COP1: variants seen among roughly 807,000 people sequenced by gnomAD.
COP1 encodes the protein COP1 E3 ubiquitin ligase.
In COP1, 24 loss-of-function variants were observed where a neutral mutation model predicts 101.3. The observed-to-expected ratio is 0.24, with a 90% CI of 0.17 to 0.33. The LOEUF (loss-of-function observed/expected upper bound fraction) is 0.33, where lower values mean the gene tolerates loss of function less well. COP1 is among the 10% of genes least tolerant of loss of function. The pLI, the probability that COP1 is intolerant of heterozygous loss-of-function variation, is 1.00. For missense variants in COP1, 663 were observed against 906.2 expected (o/e 0.73, Z 3.45); for synonymous variants, 347 against 341.9 (o/e 1.01, Z -0.17).
chr1:175,973,558 G>T (rs2148626355), intron 18 of COP1, among the ~76,000 whole-genome samples: 1 of 152,312 alleles, frequency 6.6e-6, no homozygotes, highest in Non-Finnish European at 1.5e-5. Flanking sequence ...AATTAGGGCT[G>T]TTCTTATGAG....
intron 14 of COP1, among the ~76,000 whole-genome samples, chr1:176,042,730 C>CAA (rs35637870): frequency 3.4e-3 from 171 of 49,636 alleles, no homozygotes; most frequent in African/African-American, 0.012. Context: ...AACTCTATCT[C>CAA]AAAAAAAAAA....
At chr1:176,007,999 C>A (rs2148927251) in intron 15 of COP1, among the ~76,000 whole-genome samples, 1 of 152,270 alleles carries the variant, frequency 6.6e-6, no homozygotes, top group South Asian at 2.1e-4. Flanking sequence ...CAGGGAGACT[C>A]CGTGGGCGTA....
At chr1:176,191,070 C>A (rs948528254) in intron 1 of COP1, among the ~76,000 whole-genome samples, 4 of 152,022 alleles carry the variant, frequency 2.6e-5, no homozygotes, top group Admixed American at 1.3e-4. Context: ...AAATAACCAC[C>A]TGATTCTTTG....
At chr1:175,987,414 T>C (rs1310454612) in intron 17 of COP1, among the ~76,000 whole-genome samples, 1 of 152,178 alleles carries the variant, frequency 6.6e-6, no homozygotes, top group Non-Finnish European at 1.5e-5. Context: ...TTGTCATTAC[T>C]TTTAATTACT....
intron 5 of COP1, among the ~76,000 whole-genome samples, chr1:176,155,172 G>A (rs999188568): frequency 6.6e-6 from 1 of 151,866 alleles, no homozygotes; most frequent in Non-Finnish European, 1.5e-5. Flanking sequence ...TACTTCCACA[G>A]TAACAAAAAA....
At chr1:175,993,687 T>A (rs903840169) in intron 15 of COP1, among the ~76,000 whole-genome samples, 16 of 151,774 alleles carry the variant, frequency 1.1e-4, no homozygotes, top group Non-Finnish European at 2.9e-5. Context: ...GAAGGGAAGT[T>A]TAGAGAAAAA....
rs754598641 is a variant in COP1 at position 175,994,671 on chromosome 1, A to G, written c.1730-5192T>C. 3.3e-5 allele frequency among the ~76,000 whole-genome samples: 5 copies of G among 152,268 alleles called. No individual in the cohort carries two copies. In the South Asian group the frequency reaches 6.2e-4, roughly 19 times the overall value. On this transcript the variant is annotated intron_variant, in intron 15 of 19. Coordinates refer to ENST00000367669, the MANE Select transcript of COP1 (RefSeq NM_022457.7). Reference sequence around the variant, plus strand: ...GAAGGCCATTACATAATGGTAAAGAAATCAATTCAACAAGAAGAGCTAACT... The same window carrying G: ...GAAGGCCATTACATAATGGTAAAGAGATCAATTCAACAAGAAGAGCTAACT...
At chr1:176,178,051 T>C (rs1014250770) in intron 2 of COP1, among the ~76,000 whole-genome samples, 2 of 152,322 alleles carry the variant, frequency 1.3e-5, no homozygotes, top group African/African-American at 4.8e-5. Flanking sequence ...CTGACAAGGC[T>C]AGGATTACCA....
At chr1:176,105,527 G>T (rs1684161474) in intron 9 of COP1, among the ~76,000 whole-genome samples, 1 of 152,098 alleles carries the variant, frequency 6.6e-6, no homozygotes. Flanking sequence ...ATGCAAATAA[G>T]TAAGTGTATT....
At chr1:176,058,235 C>G (rs910968232) in intron 11 of COP1, among the ~76,000 whole-genome samples, 1 of 151,992 alleles carries the variant, frequency 6.6e-6, no homozygotes, top group Non-Finnish European at 1.5e-5. Context: ...TGAGGAGCCC[C>G]TCTGCCCGGC....
intron 5 of COP1, among the ~76,000 whole-genome samples, chr1:176,160,666 GAAAA>G (rs923071308): frequency 6.6e-6 from 1 of 151,618 alleles, no homozygotes; most frequent in Non-Finnish European, 1.5e-5. Context: ...AAAAACGTAT[GAAAA>G]AAAACTCAAC....
At chr1:175,987,211 T>C (rs1571416083) in intron 17 of COP1, 108 bp from the exon 18 acceptor site, 2 of 559,178 alleles carry the variant, frequency 3.6e-6, no homozygotes, top group East Asian at 6.1e-5. Context: ...AGATCTTTTA[T>C]GGGCAAATTT....
intron 9 of COP1, among the ~76,000 whole-genome samples, chr1:176,101,155 C>T (rs1290789223): frequency 6.6e-6 from 1 of 152,136 alleles, no homozygotes; most frequent in African/African-American, 2.4e-5. Context: ...AGCATGCCCC[C>T]CACCATCAAC....
intron 17 of COP1, 96 bp downstream of exon 17, chr1:175,988,192 C>G: frequency 8.4e-7 from 1 of 1,189,920 alleles, no homozygotes; most frequent in South Asian, 1.5e-5. Context: ...AGTGCACAGA[C>G]CATTTCTTGA....
intron 2 of COP1, among the ~76,000 whole-genome samples, chr1:176,182,651 A>G (rs1482170226): frequency 1.3e-5 from 2 of 152,234 alleles, no homozygotes; most frequent in Non-Finnish European, 2.9e-5. Context: ...AATCTCTGAA[A>G]AAAACATATG....
chr1:176,046,127 A>T, intron 12 of COP1, 54 bp downstream of exon 12: 1 of 1,381,118 alleles, frequency 7.2e-7, no homozygotes, highest in South Asian at 1.3e-5. Flanking sequence ...TGATAATTAC[A>T]TATGCAAATT....
At chr1:176,137,423 C>T (rs1689977008) in intron 6 of COP1, among the ~76,000 whole-genome samples, 1 of 152,080 alleles carries the variant, frequency 6.6e-6, no homozygotes, top group African/African-American at 2.4e-5. Flanking sequence ...ATTATTCAAT[C>T]AAAAGAAAAC....
intron 15 of COP1, among the ~76,000 whole-genome samples, chr1:175,992,033 T>C (rs1180620673): frequency 1.3e-5 from 2 of 152,232 alleles, no homozygotes; most frequent in Non-Finnish European, 2.9e-5. Flanking sequence ...CTTTATCAAG[T>C]ATTGTGTAGT....
At chr1:176,151,353 A>AAAAGAAAGAAAGAAAGAAAG (rs200187869) in intron 5 of COP1, among the ~76,000 whole-genome samples, 23 of 116,098 alleles carry the variant, frequency 2.0e-4, no homozygotes, top group South Asian at 3.1e-4. Context: ...GAAAGAAAGA[A>AAAAGAAAGAAAGAAAGAAAG]AAAGAAAGAA....
Sources: gnomAD v4.1 joint callset for allele counts (sites outside exome capture counted in the v4.1 genomes callset) on GRCh38, gnomAD v4.1.1 for gene constraint, MANE v1.5 for transcripts, NCBI Gene and HGNC (gene_info 2026-07-23, HGNC 2026-07-21) for gene names.